Variants in CDC25C observed in about 807,000 individuals in gnomAD.
The protein encoded by CDC25C is cell division cycle 25C.
Under a neutral mutation model 52.5 loss-of-function variants are expected in CDC25C, and 48 were observed. The observed-to-expected ratio is 0.91, with a 90% CI of 0.72 to 1.16. The LOEUF is 1.16. Among genes scored for constraint, CDC25C ranks in the 50% most tolerant of loss-of-function variants. The pLI, the probability that CDC25C is intolerant of heterozygous loss-of-function variation, is 0.00. For missense variants in CDC25C, 510 were observed against 566.1 expected, an observed-to-expected ratio of 0.90 and a Z score of 1.01; for synonymous variants, 187 against 206.5, an observed-to-expected ratio of 0.91 and a Z score of 0.81.
intron 4 of CDC25C, 108 bp from the exon 5 acceptor site, chr5:138,326,162 A>G (rs1759840194): frequency 2.7e-6 from 3 of 1,126,038 alleles, no homozygotes; most frequent in Non-Finnish European, 4.1e-6. Context: ...TAGGAGCCCT[A>G]TTCCTAGTTG....
intron 7 of CDC25C, among the ~76,000 whole-genome samples, chr5:138,315,103 T>G (rs1758779193): frequency 6.6e-6 from 1 of 150,842 alleles, no homozygotes; most frequent in Admixed American, 6.6e-5. Context: ...CCAGCTAATT[T>G]TTGTATTTTT....
intron 7 of CDC25C, among the ~76,000 whole-genome samples, chr5:138,298,164 T>A (rs1271423641): frequency 5.2e-4 from 3 of 5,810 alleles, no homozygotes; most frequent in African/African-American, 1.3e-3. Context: ...ACACCTTGCA[T>A]TTTTTTTTTT....
chr5:138,310,283 G>A (rs561413590), intron 7 of CDC25C, among the ~76,000 whole-genome samples: 16 of 152,186 alleles, frequency 1.1e-4, no homozygotes, highest in East Asian at 3.9e-4. Flanking sequence ...AAGACACTTC[G>A]AACAAGTGCC....
chr5:138,294,108 C>T (rs770052234), intron 7 of CDC25C, among the ~76,000 whole-genome samples: 1 of 151,020 alleles, frequency 6.6e-6, no homozygotes, highest in African/African-American at 2.4e-5. Flanking sequence ...TCATTGCAAC[C>T]TCCGCCTCCC....
Position 138,286,505 on chromosome 5 carries a change from G to T in CDC25C, c.1152C>A (p.Gly384=), listed in dbSNP as rs763697905. ...VFHCEFSSER[G]PRMCRCLREE... is the part of the protein sequence containing the mutation. ...CCCATTTAGACACTCACATTCGGGG[G>T]CCCCTCTCTGAGGAGAATTCACAGT... The change falls in exon 12 of 14, where the codon GGC becomes GGA. Residue 384 remains glycine (G), a synonymous_variant. Transcript: ENST00000323760. 2 of 1,610,976 alleles carry T rather than the reference G, an allele frequency of 1.2e-6. No homozygotes were observed. Among genetic ancestry groups the T allele is most frequent in the Non-Finnish European group, 1.7e-6 (2 of 1,178,596 alleles).
chr5:138,310,343 T>C (rs1391233235), intron 7 of CDC25C, among the ~76,000 whole-genome samples: 1 of 152,190 alleles, frequency 6.6e-6, no homozygotes, highest in African/African-American at 2.4e-5. Context: ...AATATCATCT[T>C]ACTAGGCTTT....
intron 7 of CDC25C, among the ~76,000 whole-genome samples, chr5:138,302,689 A>T (rs1480581448): frequency 6.7e-6 from 1 of 148,818 alleles, no homozygotes; most frequent in African/African-American, 2.5e-5. Context: ...ACAAGAGCGA[A>T]ACTCCATCTC....
intron 6 of CDC25C, among the ~76,000 whole-genome samples, chr5:138,321,625 G>A (rs1440724515): frequency 6.6e-6 from 1 of 151,578 alleles, no homozygotes; most frequent in Non-Finnish European, 1.5e-5. Flanking sequence ...GGTGGTGCAC[G>A]CCTATAGTCC....
At chr5:138,293,688 T>G in intron 7 of CDC25C, among the ~76,000 whole-genome samples, 1 of 150,482 alleles carries the variant, frequency 6.6e-6, no homozygotes, top group Non-Finnish European at 1.5e-5. Context: ...TCGCTGTCAC[T>G]CTGGTTGGAG....
At chr5:138,329,723 C>CTTT in intron 2 of CDC25C, 76 bp from the exon 3 acceptor site, 1 of 488,626 alleles carries the variant, frequency 2.0e-6, no homozygotes. Context: ...ATGTCATCCT[C>CTTT]TTCTTTTTTT....
intron 6 of CDC25C, 99 bp downstream of exon 6, chr5:138,325,716 A>G: frequency 1.3e-6 from 1 of 798,712 alleles, no homozygotes; most frequent in Non-Finnish European, 2.1e-6. Context: ...CTTGTCTAGC[A>G]TACGAGGTAT....
rs1443398963 is a variant in CDC25C at position 138,285,536 on chromosome 5, A to T, written c.*156T>A. Reference sequence around the variant, plus strand: ...CCAGCTTTCAGCTCTGCTGAAACCTAATCCATTCCCAGGCCTGGATACAAG... The same window carrying T: ...CCAGCTTTCAGCTCTGCTGAAACCTTATCCATTCCCAGGCCTGGATACAAG... On this transcript the variant is annotated 3_prime_UTR_variant, in exon 14 of 14. Transcript: ENST00000323760. 1 of 726,902 alleles carries T rather than the reference A, an allele frequency of 1.4e-6. No homozygotes were observed. Among genetic ancestry groups the T allele is most frequent in the African/African-American group, 1.8e-5 (1 of 56,798 alleles). The allele number at this position is 726,902 out of a possible 1,614,324, so 45.0% of individuals were successfully genotyped here.
At chr5:138,290,487 G>T (rs1756615450) in intron 9 of CDC25C, 152 bp downstream of exon 9, 2 of 580,862 alleles carry the variant, frequency 3.4e-6, no homozygotes, top group Non-Finnish European at 6.2e-6. Context: ...CTCTGGAAAG[G>T]CTTAGGGCCT....
At chr5:138,295,001 T>C (rs1185305129) in intron 7 of CDC25C, among the ~76,000 whole-genome samples, 1 of 152,170 alleles carries the variant, frequency 6.6e-6, no homozygotes, top group Non-Finnish European at 1.5e-5. Flanking sequence ...TATGATCCAT[T>C]TTGTGTTAAT....
At chr5:138,289,884 AAAAG>A (rs1756567926) in intron 9 of CDC25C, among the ~76,000 whole-genome samples, 1 of 151,978 alleles carries the variant, frequency 6.6e-6, no homozygotes, top group Admixed American at 6.5e-5. Flanking sequence ...AAAAAAAAAA[AAAAG>A]AAATAATATG....
chr5:138,322,466 ATTTTT>A (rs71585117), intron 6 of CDC25C, among the ~76,000 whole-genome samples: 2 of 67,942 alleles, frequency 2.9e-5, no homozygotes, highest in Non-Finnish European at 6.0e-5. Flanking sequence ...CGCCCGGCTA[ATTTTT>A]TTTTTTTTTT....
intron 6 of CDC25C, among the ~76,000 whole-genome samples, chr5:138,320,103 G>A (rs758114891): frequency 2.0e-5 from 3 of 152,114 alleles, no homozygotes; most frequent in South Asian, 2.1e-4. Flanking sequence ...TCAGGAGTTC[G>A]AGAGCAGCCT....
At chr5:138,300,099 C>T (rs756638220) in intron 7 of CDC25C, among the ~76,000 whole-genome samples, 4 of 152,000 alleles carry the variant, frequency 2.6e-5, no homozygotes, top group East Asian at 1.9e-4. Context: ...TCTCAGGAGG[C>T]GGAGGTGGAA....
upstream of CDC25C, chr5:138,335,075 A>G (rs962669161): frequency 1.3e-5 from 2 of 152,210 alleles, no homozygotes. Context: ...TGACTCATAC[A>G]TGTTGTTGCC....
Sources: gnomAD v4.1 joint callset for allele counts (sites outside exome capture counted in the v4.1 genomes callset) on GRCh38, gnomAD v4.1.1 for gene constraint, MANE v1.5 for transcripts, NCBI Gene and HGNC (gene_info 2026-07-23, HGNC 2026-07-21) for gene names.